Variants in RANBP3L observed in about 807,000 individuals in gnomAD.
RANBP3L encodes the protein ran-binding protein 3-like.
In RANBP3L, 56 loss-of-function variants were observed where a neutral mutation model predicts 67.2. That is an observed-to-expected ratio of 0.83 (90% CI 0.67 to 1.04). RANBP3L has a LOEUF of 1.04. Ranked by LOEUF, RANBP3L falls within the 50% of genes least tolerant of loss-of-function variation. RANBP3L has a pLI of 0.00. For missense variants in RANBP3L, 496 were observed against 535.5 expected, an observed-to-expected ratio of 0.93 and a Z score of 0.73; for synonymous variants, 164 against 181.4, an observed-to-expected ratio of 0.90 and a Z score of 0.77.
chr5:36,262,462 A>G (rs935091960), intron 6 of RANBP3L, among the ~76,000 whole-genome samples: 1 of 152,152 alleles, frequency 6.6e-6, no homozygotes, highest in Non-Finnish European at 1.5e-5. Flanking sequence ...CTAGTCACCC[A>G]ATGTGAGAGA....
chr5:36,290,735 T>G (rs1448396010), intron 1 of RANBP3L, among the ~76,000 whole-genome samples: 1 of 130,974 alleles, frequency 7.6e-6, no homozygotes, highest in Non-Finnish European at 1.6e-5. Flanking sequence ...GCTTTTTTTT[T>G]TTTTTTTTTT....
chr5:36,255,556 G>A lies in RANBP3L; in HGVS notation c.938C>T (p.Thr313Ile). 1 of 1,610,208 alleles carries A rather than the reference G, an allele frequency of 6.2e-7. No homozygotes were observed. Among genetic ancestry groups the A allele is most frequent in the Non-Finnish European group, 8.5e-7 (1 of 1,177,360 alleles). ...TCTGCCCCTTTCAATCCAGGATTGT[G>A]TTGTTTTGTTGAATATGAAAAGCTT... ...NCKLFIFNKTTQSWIERGRGT... is the reference protein window; with the variant it reads ...NCKLFIFNKTIQSWIERGRGT... Residue 313 changes from threonine to isoleucine, a missense_variant, in exon 11 of 14, where the codon ACA (threonine) becomes ATA (isoleucine). Transcript: ENST00000296604.
At chr5:36,268,758 G>A (rs1749991691) in intron 4 of RANBP3L, among the ~76,000 whole-genome samples, 1 of 151,596 alleles carries the variant, frequency 6.6e-6, no homozygotes. Flanking sequence ...ACCCCACCTG[G>A]AGTGCGGTGG....
chr5:36,272,365 T>C (rs1026838839), intron 1 of RANBP3L, among the ~76,000 whole-genome samples: 11 of 152,186 alleles, frequency 7.2e-5, no homozygotes, highest in African/African-American at 2.7e-4. Context: ...ATAGCAACCA[T>C]TACCAACATA....
At chr5:36,287,088 T>TTC in intron 1 of RANBP3L, among the ~76,000 whole-genome samples, 1 of 152,160 alleles carries the variant, frequency 6.6e-6, no homozygotes, top group Non-Finnish European at 1.5e-5. Context: ...CTGCCCCGCC[T>TTC]CAGATCATCA....
At chr5:36,295,989 C>T (rs1323560507) in intron 1 of RANBP3L, among the ~76,000 whole-genome samples, 1 of 152,020 alleles carries the variant, frequency 6.6e-6, no homozygotes, top group Admixed American at 6.6e-5. Context: ...CATAATGAAA[C>T]CTCATTAAAA....
At chr5:36,261,785 A>G (rs1046557096) in intron 7 of RANBP3L, among the ~76,000 whole-genome samples, 154 bp downstream of exon 7, 7 of 152,228 alleles carry the variant, frequency 4.6e-5, no homozygotes, top group African/African-American at 1.7e-4. Context: ...TTTTAAAAAC[A>G]TTTTAAACTT....
chr5:36,289,775 A>AT (rs1331250835), intron 1 of RANBP3L, among the ~76,000 whole-genome samples: 1 of 151,694 alleles, frequency 6.6e-6, no homozygotes, highest in Non-Finnish European at 1.5e-5. Context: ...GCATTTTTTG[A>AT]TAGATTTCTC....
rs1751105903 is a variant in RANBP3L at position 36,283,384 on chromosome 5, A to G, written c.92-12073T>C. ...GTTAATTTAACCTTACTCAGTTTTC[A>G]AAATGAAAAATGTTACAAAAAAAAA... On this transcript the variant is annotated intron_variant, in intron 1 of 13. Coordinates refer to ENST00000296604, the MANE Select transcript of RANBP3L (RefSeq NM_145000.5). 3.9e-5 allele frequency among the ~76,000 whole-genome samples: 5 copies of G among 126,924 alleles called. 1 individual carries two copies. The South Asian group carries it at 1.6e-3, about 40-fold the overall frequency. 83.3% of individuals were successfully genotyped at this position (126,924 alleles called of 152,430 possible). A position where few individuals can be genotyped will look rare whatever the true frequency, so the allele number is the denominator to read the frequency against.
chr5:36,256,168 G>A (rs1212759519), intron 10 of RANBP3L, among the ~76,000 whole-genome samples: 1 of 152,070 alleles, frequency 6.6e-6, no homozygotes, highest in Non-Finnish European at 1.5e-5. Context: ...TTACTACTGT[G>A]TACAAGAATC....
At chr5:36,257,860 TC>T (rs34865166) in intron 8 of RANBP3L, among the ~76,000 whole-genome samples, 130,388 of 151,980 alleles carry the variant, frequency 0.86, 57,597 homozygotes, top group Non-Finnish European at 0.97. Context: ...TTCCACACTC[TC>T]ACTAGACTAA....
intron 1 of RANBP3L, among the ~76,000 whole-genome samples, chr5:36,297,650 C>T (rs1021811752): frequency 2.6e-5 from 4 of 152,062 alleles, no homozygotes; most frequent in African/African-American, 4.8e-5. Context: ...TGTAAATTAA[C>T]GTTTACAAAT....
At chr5:36,261,680 G>C (rs923326588) in intron 7 of RANBP3L, among the ~76,000 whole-genome samples, 1 of 152,102 alleles carries the variant, frequency 6.6e-6, no homozygotes, top group Non-Finnish European at 1.5e-5. Context: ...CTAAATAAAA[G>C]TTTAGCCATA....
intron 1 of RANBP3L, among the ~76,000 whole-genome samples, chr5:36,288,854 T>C (rs1405218995): frequency 6.6e-6 from 1 of 152,134 alleles, no homozygotes; most frequent in Non-Finnish European, 1.5e-5. Context: ...ATATTCTGAT[T>C]GAAAGTTCTT....
At chr5:36,277,623 T>C (rs1750687586) in intron 1 of RANBP3L, among the ~76,000 whole-genome samples, 1 of 152,042 alleles carries the variant, frequency 6.6e-6, no homozygotes, top group South Asian at 2.1e-4. Context: ...TCTCCATATA[T>C]CCAGATGTAG....
At chr5:36,271,169 G>C in intron 2 of RANBP3L, 84 bp downstream of exon 2, 2 of 809,808 alleles carry the variant, frequency 2.5e-6, no homozygotes, top group Non-Finnish European at 4.4e-6. Flanking sequence ...CTATGCAGCC[G>C]TGATATCTTT....
At chr5:36,284,686 A>C (rs1048477362) in intron 1 of RANBP3L, among the ~76,000 whole-genome samples, 1 of 152,180 alleles carries the variant, frequency 6.6e-6, no homozygotes, top group East Asian at 1.9e-4. Flanking sequence ...GCAGTGTGGG[A>C]CATAGGGGCT....
intron 7 of RANBP3L, 130 bp downstream of exon 7, chr5:36,261,809 A>C: frequency 2.0e-6 from 1 of 502,824 alleles, no homozygotes; most frequent in Non-Finnish European, 3.6e-6. Context: ...TTTCCTATAA[A>C]ATCTCCTTTC....
intron 1 of RANBP3L, among the ~76,000 whole-genome samples, chr5:36,278,406 G>C (rs1373754904): frequency 6.6e-6 from 1 of 151,958 alleles, no homozygotes; most frequent in African/African-American, 2.4e-5. Context: ...CTCCACCCCC[G>C]ACCTACTAAG....
Sources: allele counts gnomAD v4.1 joint callset (sites outside exome capture counted in the v4.1 genomes callset), GRCh38; gene constraint gnomAD v4.1.1; transcripts MANE v1.5; gene names NCBI Gene and HGNC (gene_info 2026-07-23, HGNC 2026-07-21).